KHDRBS2: variants seen among roughly 807,000 people sequenced by gnomAD.
The protein encoded by KHDRBS2 is KH domain-containing, RNA-binding, signal transduction-associated protein 2.
Under a neutral mutation model 44.3 loss-of-function variants are expected in KHDRBS2, and 26 were observed. The observed-to-expected ratio is 0.59, with a 90% CI of 0.43 to 0.81. The LOEUF (loss-of-function observed/expected upper bound fraction) is 0.81. KHDRBS2 is among the 40% of genes least tolerant of loss of function. The probability of loss-of-function intolerance (pLI) is 0.00; values close to 1 mark genes in which losing one functional copy is unlikely to be tolerated. For synonymous variants in KHDRBS2, 194 were observed against 151.1 expected (o/e 1.28, Z -2.08); for missense variants, 476 against 433.1 (o/e 1.10, Z -0.88).
chr6:61,709,172 T>G (rs2127549708), intron 7 of KHDRBS2, among the ~76,000 whole-genome samples: 1 of 151,778 alleles, frequency 6.6e-6, no homozygotes, highest in East Asian at 1.9e-4. Context: ...GCTTCTCTTT[T>G]TCGTATGCAT....
At chr6:61,989,430 C>T (rs1775694865) in intron 3 of KHDRBS2, among the ~76,000 whole-genome samples, 1 of 152,188 alleles carries the variant, frequency 6.6e-6, no homozygotes, top group Non-Finnish European at 1.5e-5. Context: ...AATTCAGATG[C>T]TCACCCCAAT....
intron 1 of KHDRBS2, among the ~76,000 whole-genome samples, chr6:62,213,750 C>T (rs1387899921): frequency 2.0e-5 from 3 of 151,312 alleles, no homozygotes; most frequent in African/African-American, 7.3e-5. Flanking sequence ...GGTGGACACC[C>T]GTAGTCCCAG....
At chr6:61,787,178 TA>T (rs1382092337) in intron 6 of KHDRBS2, among the ~76,000 whole-genome samples, 2 of 85,782 alleles carry the variant, frequency 2.3e-5, no homozygotes, top group Non-Finnish European at 4.5e-5. Flanking sequence ...TCTCTTTTAT[TA>T]GATACTTTGT....
chr6:61,613,079 C>G, the KHDRBS2 span, among the ~76,000 whole-genome samples: 1 of 152,044 alleles, frequency 6.6e-6, no homozygotes, highest in African/African-American at 2.4e-5. Context: ...GTCTCCATCT[C>G]CTGACCTTGT....
the KHDRBS2 span, among the ~76,000 whole-genome samples, chr6:61,572,966 C>A: frequency 1.1e-4 from 16 of 152,088 alleles, no homozygotes; most frequent in Non-Finnish European, 1.9e-4. Context: ...AAGTCCTAGC[C>A]AGAGTAATCA....
At chr6:61,582,719 T>C in the KHDRBS2 span, among the ~76,000 whole-genome samples, 6 of 151,658 alleles carry the variant, frequency 4.0e-5, no homozygotes, top group Non-Finnish European at 7.4e-5. Flanking sequence ...CTTTTTGTTT[T>C]AGAAGCACAG....
the KHDRBS2 span, among the ~76,000 whole-genome samples, chr6:61,572,648 A>T: frequency 1.3e-5 from 2 of 152,244 alleles, no homozygotes; most frequent in Admixed American, 6.5e-5. Context: ...CATAACAGGG[A>T]TGCAGCGATG....
chr6:62,011,978 G>C (rs1780382615), intron 3 of KHDRBS2, among the ~76,000 whole-genome samples: 1 of 152,132 alleles, frequency 6.6e-6, no homozygotes, highest in African/African-American at 2.4e-5. Context: ...CAAGAAAAAA[G>C]TGGTAGGGTT....
chr6:61,930,605 G>A (rs1387604822), intron 4 of KHDRBS2, among the ~76,000 whole-genome samples: 2 of 140,650 alleles, frequency 1.4e-5, no homozygotes, highest in African/African-American at 5.5e-5. Context: ...GCTGAAGCAG[G>A]AGAATTGCTT....
the KHDRBS2 span, among the ~76,000 whole-genome samples, chr6:61,544,524 CT>C: frequency 3.3e-5 from 5 of 152,108 alleles, no homozygotes; most frequent in Non-Finnish European, 5.9e-5. Context: ...GTTTAAAATG[CT>C]TATTCCTTTC....
intron 2 of KHDRBS2, among the ~76,000 whole-genome samples, chr6:62,097,312 T>C (rs1460363993): frequency 2.0e-5 from 3 of 152,034 alleles, no homozygotes; most frequent in Non-Finnish European, 2.9e-5. Context: ...ATCTGTCCAT[T>C]GCTGAAAGTG....
At chr6:61,906,852 T>A (rs540280972) in intron 4 of KHDRBS2, among the ~76,000 whole-genome samples, 43 of 152,262 alleles carry the variant, frequency 2.8e-4, no homozygotes, top group African/African-American at 1.0e-3. Flanking sequence ...GGTGCTGCGA[T>A]AAACATGGGC....
intron 1 of KHDRBS2, among the ~76,000 whole-genome samples, chr6:62,281,381 G>A (rs1841773922): frequency 1.3e-5 from 2 of 152,154 alleles, no homozygotes; most frequent in Admixed American, 1.3e-4. Context: ...TAGCACTTTG[G>A]GAGGATGAGG....
intron 6 of KHDRBS2, among the ~76,000 whole-genome samples, chr6:61,847,420 C>T (rs1029073172): frequency 1.5e-4 from 23 of 152,126 alleles, no homozygotes; most frequent in African/African-American, 5.6e-4. Flanking sequence ...CTCTAAGTTG[C>T]AGAACTGCCT....
Position 62,047,905 on chromosome 6 carries a change from G to C in KHDRBS2, c.309C>G (p.Gly103=). 6.2e-7 allele frequency: 1 copy of C among 1,609,348 alleles called. No homozygotes were observed. The highest frequency in any genetic ancestry group is 1.1e-5 in the South Asian group (1 of 90,962). Residue 103 remains glycine, a synonymous_variant, in exon 3 of 9, where the codon GGC becomes GGG. Transcript: ENST00000281156. ...TAGCTTTATCTCTCATTGATCCTTT[G>C]CCCAGGATAGACATTTTAGCACCTG... ...EETGAKMSIL[G]KGSMRDKAKE...
intron 4 of KHDRBS2, among the ~76,000 whole-genome samples, chr6:61,906,274 A>C (rs1488726544): frequency 3.3e-5 from 5 of 152,058 alleles, no homozygotes; most frequent in Non-Finnish European, 5.9e-5. Flanking sequence ...TGGGTATATA[A>C]TATGTATATA....
the KHDRBS2 span, among the ~76,000 whole-genome samples, chr6:61,578,712 G>T: frequency 0.012 from 1,866 of 152,146 alleles, 22 homozygotes; most frequent in Non-Finnish European, 0.02. Flanking sequence ...CAGATTTGTC[G>T]GTAGTAAAGC....
At chr6:62,218,647 A>T (rs969111750) in intron 1 of KHDRBS2, among the ~76,000 whole-genome samples, 14 of 151,902 alleles carry the variant, frequency 9.2e-5, no homozygotes, top group African/African-American at 2.7e-4. Context: ...AATAAATAAA[A>T]GTAAAAACTA....
chr6:61,977,139 G>C (rs1772840955), intron 4 of KHDRBS2, among the ~76,000 whole-genome samples: 1 of 152,044 alleles, frequency 6.6e-6, no homozygotes. Flanking sequence ...GCCAATCAAT[G>C]AACCTTACCC....
Sources: allele counts gnomAD v4.1 joint callset (sites outside exome capture counted in the v4.1 genomes callset), GRCh38; gene constraint gnomAD v4.1.1; transcripts MANE v1.5; gene names NCBI Gene and HGNC (gene_info 2026-07-23, HGNC 2026-07-21).